Variants in SRGAP2 observed in about 807,000 individuals in gnomAD.
SRGAP2 encodes the protein SLIT-ROBO Rho GTPase activating protein 2.
SRGAP2 carries 15 observed loss-of-function variants against 57.2 expected under a neutral mutation model. The observed-to-expected ratio is 0.26, with a 90% CI of 0.18 to 0.40. The LOEUF (loss-of-function observed/expected upper bound fraction) is 0.40, where lower values mean the gene tolerates loss of function less well. SRGAP2 is among the 10% of genes least tolerant of loss of function. The pLI is 1.00. For synonymous variants in SRGAP2, 249 were observed against 248.0 expected (o/e 1.00, Z -0.04); for missense variants, 520 against 669.6 (o/e 0.78, Z 2.47).
intron 14 of SRGAP2, among the ~76,000 whole-genome samples, chr1:206,432,405 A>G (rs891979504): frequency 6.6e-6 from 1 of 152,240 alleles, no homozygotes; most frequent in Non-Finnish European, 1.5e-5. Context: ...ACGATCCAGC[A>G]GATCCTAGGA....
intron 2 of SRGAP2, among the ~76,000 whole-genome samples, chr1:206,258,196 G>A (rs1362833865): frequency 3.3e-5 from 5 of 151,248 alleles, no homozygotes; most frequent in African/African-American, 9.7e-5. Context: ...GGTCAAATCT[G>A]TCCTGCTGCC....
rs1358578218 is a variant in SRGAP2 at position 206,380,916 on chromosome 1, C to T, written c.424-3098C>T. 4.2e-5 allele frequency among the ~76,000 whole-genome samples: 6 copies of T among 142,670 alleles called. No homozygotes were observed. The East Asian group carries it at 8.4e-4, about 20-fold the overall frequency. 93.6% of individuals were successfully genotyped at this position (142,670 alleles called of 152,430 possible). On this transcript the variant is annotated intron_variant, in intron 4 of 22. Transcript: ENST00000573034. ...CAGTTAAGGTTTCTGAAACAGAGAA[C>T]GAATGGCCTTTTATCATCTGTGAAA...
At chr1:206,250,226 C>G (rs1397853361) in intron 2 of SRGAP2, among the ~76,000 whole-genome samples, 2 of 151,970 alleles carry the variant, frequency 1.3e-5, no homozygotes, top group Non-Finnish European at 2.9e-5. Flanking sequence ...GTCCACTTTT[C>G]TCATTATTGA....
At chr1:206,453,405 G>A in intron 20 of SRGAP2, 25 bp downstream of exon 20, 1 of 597,342 alleles carries the variant, frequency 1.7e-6, no homozygotes, top group Non-Finnish European at 3.1e-6. Flanking sequence ...TGGCATCTTT[G>A]GGGGTGGTCC....
chr1:206,249,060 T>G (rs1365678005), intron 2 of SRGAP2, among the ~76,000 whole-genome samples: 4 of 152,296 alleles, frequency 2.6e-5, no homozygotes, highest in African/African-American at 9.6e-5. Context: ...ACTACTCTCC[T>G]GCTCTTTCTC....
At chr1:206,334,682 G>A (rs1674642903) in intron 3 of SRGAP2, among the ~76,000 whole-genome samples, 1 of 152,154 alleles carries the variant, frequency 6.6e-6, no homozygotes. Flanking sequence ...TAAGGGGGTG[G>A]TTACTGCTTT....
intron 2 of SRGAP2, among the ~76,000 whole-genome samples, chr1:206,210,431 A>G (rs1373224936): frequency 1.7e-5 from 1 of 58,550 alleles, no homozygotes; most frequent in Non-Finnish European, 3.3e-5. Context: ...TTTTTTTTTT[A>G]ATGTCTTAGG....
chr1:206,419,894 G>A (rs1465832328), intron 12 of SRGAP2, among the ~76,000 whole-genome samples: 1 of 151,534 alleles, frequency 6.6e-6, no homozygotes, highest in African/African-American at 2.4e-5. Flanking sequence ...ACATTGCATT[G>A]GCTCGCCAAA....
At chr1:206,384,523 C>T (rs1388242928) in intron 5 of SRGAP2, among the ~76,000 whole-genome samples, 1 of 152,068 alleles carries the variant, frequency 6.6e-6, no homozygotes, top group Non-Finnish European at 1.5e-5. Flanking sequence ...AACAAATGCT[C>T]TAGAGGGCAG....
intron 14 of SRGAP2, among the ~76,000 whole-genome samples, chr1:206,434,304 A>AT (rs1661534939): frequency 6.6e-6 from 1 of 152,210 alleles, no homozygotes; most frequent in South Asian, 2.1e-4. Flanking sequence ...AAACAAAAAA[A>AT]CAAACCGCCA....
rs782047193 is a variant in SRGAP2, at chr1:206,421,283, C to T, written c.1494+9C>T. On this transcript the variant is annotated intron_variant, in intron 13 of 22. Transcript: ENST00000573034. ...CAACTGTGAGGAAACAGGTAAGGGCCCAAGCGGGGCCAGGCTGGTCTGGCC... is the reference window on the plus strand; with the variant it reads ...CAACTGTGAGGAAACAGGTAAGGGCTCAAGCGGGGCCAGGCTGGTCTGGCC... The T allele has an allele frequency of 2.6e-6, 2 of 777,788 alleles. No homozygotes were observed. The highest frequency in any genetic ancestry group is 4.8e-6 in the Non-Finnish European group (2 of 416,814). 48.2% of individuals were successfully genotyped at this position (777,788 alleles called of 1,614,324 possible).
At chr1:206,428,942 C>T (rs1661047919) in intron 13 of SRGAP2, among the ~76,000 whole-genome samples, 1 of 152,124 alleles carries the variant, frequency 6.6e-6, no homozygotes, top group African/African-American at 2.4e-5. Flanking sequence ...GCGACCGCAC[C>T]TGGCCTCACT....
intron 2 of SRGAP2, among the ~76,000 whole-genome samples, chr1:206,230,752 A>C (rs1641550247): frequency 3.7e-5 from 5 of 135,096 alleles, no homozygotes; most frequent in African/African-American, 1.5e-4. Context: ...TCAGCCTCCC[A>C]AGTAGCTGGG....
At chr1:206,424,012 C>T (rs1419828547) in intron 13 of SRGAP2, among the ~76,000 whole-genome samples, 1 of 141,222 alleles carries the variant, frequency 7.1e-6, no homozygotes, top group Non-Finnish European at 1.5e-5. Context: ...AGGCTGGTCT[C>T]GAATTCCTGA....
In SRGAP2 at chr1:206,458,751, C is replaced by A; in HGVS notation, c.2636C>A (p.Pro879His). The A allele has an allele frequency of 1.3e-6, 1 of 780,768 alleles. No homozygotes were observed. 48.4% of individuals were successfully genotyped at this position (780,768 alleles called of 1,614,324 possible). A position where few individuals can be genotyped will look rare whatever the true frequency, so the allele number is the denominator to read the frequency against. ...GCTAGCTGCCGCCCATCCTCCCAGC[C>A]CATCATGAGCCAGAGCCTCCCCAAA... The part of the protein sequence containing the change: ...VGASCRPSSQ[P>H]IMSQSLPKEG... Residue 879 changes from proline to histidine, a missense_variant, in exon 22 of 23, where the codon CCC (proline) becomes CAC (histidine). Pro to His is a moderately conservative substitution (Grantham distance 77, BLOSUM62 -2). Around this residue, in one of 5 missense-constraint regions of SRGAP2, gnomAD observed 478 missense variants for 373.6 expected, o/e 1.28. Transcript: ENST00000573034.
At chr1:206,425,886 G>T (rs549908532) in intron 13 of SRGAP2, among the ~76,000 whole-genome samples, 5 of 141,160 alleles carry the variant, frequency 3.5e-5, no homozygotes, top group African/African-American at 1.4e-4. Context: ...CACTCTTGTC[G>T]CCCAGGCTGG....
intron 5 of SRGAP2, among the ~76,000 whole-genome samples, chr1:206,384,430 C>T (rs1553347885): frequency 6.6e-6 from 1 of 150,936 alleles, no homozygotes; most frequent in Non-Finnish European, 1.5e-5. Context: ...CTGCATTGCA[C>T]TATTAATATG....
At chr1:206,435,864 T>A (rs1661690113) in intron 14 of SRGAP2, among the ~76,000 whole-genome samples, 1 of 152,240 alleles carries the variant, frequency 6.6e-6, no homozygotes, top group Non-Finnish European at 1.5e-5. Flanking sequence ...ATTTTTTTCA[T>A]GATTTTTTTC....
intron 8 of SRGAP2, among the ~76,000 whole-genome samples, chr1:206,402,895 G>GC (rs1313709272): frequency 7.4e-6 from 1 of 135,900 alleles, no homozygotes; most frequent in Non-Finnish European, 1.6e-5. Context: ...AGGAGTGGAC[G>GC]CCGGGGACCA....
Sources: gnomAD v4.1 joint callset for allele counts (sites outside exome capture counted in the v4.1 genomes callset) on GRCh38, gnomAD v4.1.1 for gene constraint, gnomAD v4.1.1 regional missense constraint, MANE v1.5 for transcripts, NCBI Gene and HGNC (gene_info 2026-07-23, HGNC 2026-07-21) for gene names.